SPAG16: variants seen among roughly 807,000 people sequenced by gnomAD.
SPAG16 encodes sperm-associated antigen 16 protein.
In SPAG16, 86 loss-of-function variants were observed where a neutral mutation model predicts 80.4. That is an observed-to-expected ratio of 1.07 (90% confidence interval 0.90 to 1.28). The LOEUF (loss-of-function observed/expected upper bound fraction) is 1.28, where lower values mean the gene tolerates loss of function less well. Ranked by LOEUF, SPAG16 falls within the 50% of genes most tolerant of loss-of-function variation. The probability of loss-of-function intolerance (pLI) is 0.00; values close to 1 mark genes in which losing one functional copy is unlikely to be tolerated. For missense variants in SPAG16, 870 were observed against 765.3 expected (o/e 1.14, Z -1.61); for synonymous variants, 294 against 265.9 (o/e 1.11, Z -1.03).
chr2:214,102,995 C>G (rs540255598), intron 13 of SPAG16, among the ~76,000 whole-genome samples: 1 of 152,054 alleles, frequency 6.6e-6, no homozygotes. Context: ...GTGGGCTTCC[C>G]GCATGCGCAG....
At chr2:214,153,783 A>G (rs1187510754) in intron 15 of SPAG16, among the ~76,000 whole-genome samples, 1 of 152,194 alleles carries the variant, frequency 6.6e-6, no homozygotes, top group African/African-American at 2.4e-5. Flanking sequence ...ATATATACAT[A>G]TATATTTTAA....
chr2:213,545,428 T>C (rs1226980418), intron 10 of SPAG16, among the ~76,000 whole-genome samples: 2 of 152,158 alleles, frequency 1.3e-5, no homozygotes, highest in Non-Finnish European at 2.9e-5. Context: ...GTTTTTATTC[T>C]CTTGACAGTG....
intron 10 of SPAG16, among the ~76,000 whole-genome samples, chr2:213,833,974 G>A (rs1210938028): frequency 1.3e-5 from 2 of 151,988 alleles, no homozygotes; most frequent in African/African-American, 4.8e-5. Flanking sequence ...ATTCCCACGT[G>A]TTGTGGAAGG....
intron 14 of SPAG16, among the ~76,000 whole-genome samples, chr2:214,117,587 A>G (rs1278875030): frequency 1.3e-5 from 2 of 152,218 alleles, no homozygotes; most frequent in Non-Finnish European, 2.9e-5. Flanking sequence ...CCTGATGAAC[A>G]TAGATGCAAA....
chr2:214,110,523 A>T (rs1375553264), intron 14 of SPAG16, among the ~76,000 whole-genome samples: 6 of 152,076 alleles, frequency 3.9e-5, no homozygotes, highest in Admixed American at 3.3e-4. Context: ...CATTTTCTTA[A>T]TCCAGTCTAT....
chr2:214,231,040 C>T (rs1688663012), intron 15 of SPAG16, among the ~76,000 whole-genome samples: 1 of 151,830 alleles, frequency 6.6e-6, no homozygotes, highest in Non-Finnish European at 1.5e-5. Context: ...AGTTCTAACC[C>T]GCTTCAGTCT....
rs73986911 is a variant in SPAG16 at position 213,745,819 on chromosome 2, A to G, written c.1071-116666A>G. ...TCACTTCTTGACCTTAAATACTAGAATGTAATAATAAAAGAGATTATTTGA... is the reference window on the plus strand; with the variant it reads ...TCACTTCTTGACCTTAAATACTAGAGTGTAATAATAAAAGAGATTATTTGA... On this transcript the variant is annotated intron_variant, in intron 10 of 15. Coordinates refer to ENST00000331683, the MANE Select transcript of SPAG16 (RefSeq NM_024532.5). Among the ~76,000 whole-genome samples, 692 of 152,302 alleles carry G rather than the reference A, an allele frequency of 4.5e-3. 6 individuals are homozygous for G. The highest frequency in any genetic ancestry group is 0.016 in the African/African-American group (646 of 41,572).
chr2:214,055,682 G>T (rs538308229), intron 13 of SPAG16, among the ~76,000 whole-genome samples: 1 of 152,236 alleles, frequency 6.6e-6, no homozygotes, highest in South Asian at 2.1e-4. Context: ...GGATATGGGT[G>T]GCTGAGTGCC....
chr2:213,516,383 T>A (rs1416483401), intron 10 of SPAG16, among the ~76,000 whole-genome samples: 1 of 141,482 alleles, frequency 7.1e-6, no homozygotes. Context: ...CCAAGTTCTT[T>A]TGTAACATTT....
At chr2:213,859,471 A>G (rs1014260026) in intron 10 of SPAG16, among the ~76,000 whole-genome samples, 2 of 152,164 alleles carry the variant, frequency 1.3e-5, no homozygotes, top group Admixed American at 1.3e-4. Context: ...GATACAATAC[A>G]CTGGCAATTT....
chr2:214,116,200 G>A, intron 14 of SPAG16, among the ~76,000 whole-genome samples: 1 of 152,202 alleles, frequency 6.6e-6, no homozygotes, highest in East Asian at 1.9e-4. Flanking sequence ...TACTGCCTCA[G>A]TGAAGAGACT....
In SPAG16 at chr2:213,610,102, A is replaced by AT. The variant is rs1447031822; in HGVS notation, c.1070+120018dup. ...CATTTTATTTCAAAGTTATTGGCTGATTTTTTATTTTCCCTTTCTTCCCTA... is the reference window on the plus strand; with the variant it reads ...CATTTTATTTCAAAGTTATTGGCTGATTTTTTTATTTTCCCTTTCTTCCCTA... On this transcript the variant is annotated intron_variant, in intron 10 of 15. Coordinates refer to ENST00000331683, the MANE Select transcript of SPAG16 (RefSeq NM_024532.5). Among the ~76,000 whole-genome samples, 23 of 151,892 alleles carry AT rather than the reference A, an allele frequency of 1.5e-4. 1 individual carries two copies. Among genetic ancestry groups the AT allele is most frequent in the South Asian group, 1.5e-3 (7 of 4,814 alleles).
At chr2:214,290,401 C>G (rs1399234969) in intron 15 of SPAG16, among the ~76,000 whole-genome samples, 1 of 62,664 alleles carries the variant, frequency 1.6e-5, no homozygotes, top group Non-Finnish European at 3.1e-5. Context: ...TTTACTATTT[C>G]TTTCCTTCTG....
intron 13 of SPAG16, among the ~76,000 whole-genome samples, chr2:214,100,245 T>C (rs10165269): frequency 0.092 from 13,982 of 152,028 alleles, 820 homozygotes; most frequent in East Asian, 0.28. Context: ...AATTAAACCT[T>C]TTTTCTCTAT....
chr2:213,887,881 G>T (rs1311626525), intron 11 of SPAG16, among the ~76,000 whole-genome samples: 1 of 151,566 alleles, frequency 6.6e-6, no homozygotes, highest in African/African-American at 2.4e-5. Context: ...TTTCTATTTA[G>T]GTTGTTGCAA....
intron 11 of SPAG16, among the ~76,000 whole-genome samples, chr2:213,900,598 C>T (rs192860496): frequency 6.9e-4 from 105 of 152,258 alleles, no homozygotes; most frequent in Non-Finnish European, 5.7e-4. Context: ...ATTAAAACTT[C>T]TCAGGACTGC....
intron 10 of SPAG16, among the ~76,000 whole-genome samples, chr2:213,493,387 T>C (rs2074349271): frequency 6.6e-6 from 1 of 152,186 alleles, no homozygotes; most frequent in Non-Finnish European, 1.5e-5. Context: ...AAATCATTGA[T>C]GTATTACTAG....
At chr2:214,137,713 A>C (rs1015813469) in intron 14 of SPAG16, among the ~76,000 whole-genome samples, 3 of 152,140 alleles carry the variant, frequency 2.0e-5, no homozygotes, top group African/African-American at 7.2e-5. Context: ...AATTTTAGGG[A>C]AGTGACTTTA....
chr2:214,235,900 T>C (rs1689041877), intron 15 of SPAG16, among the ~76,000 whole-genome samples: 1 of 152,146 alleles, frequency 6.6e-6, no homozygotes, highest in Admixed American at 6.6e-5. Context: ...GTAGTACAAT[T>C]AGAATTTGTG....
Sources: allele counts gnomAD v4.1 joint callset (sites outside exome capture counted in the v4.1 genomes callset), GRCh38; gene constraint gnomAD v4.1.1; transcripts MANE v1.5; gene names NCBI Gene and HGNC (gene_info 2026-07-23, HGNC 2026-07-21).